Variants in VPS13B observed in about 807,000 individuals in gnomAD.
The protein encoded by VPS13B is vacuolar protein sorting 13 homolog B, also known as intermembrane lipid transfer protein VPS13B.
A neutral mutation model predicts 426.4 loss-of-function variants in VPS13B; 285 were observed. The ratio of observed to expected loss-of-function variants is 0.67; its 90% CI spans 0.61 to 0.74. The LOEUF (loss-of-function observed/expected upper bound fraction) is 0.74. Ranked by LOEUF, VPS13B falls within the 30% of genes least tolerant of loss-of-function variation. The pLI, the probability that VPS13B is intolerant of heterozygous loss-of-function variation, is 0.00. For synonymous variants in VPS13B, 1,676 were observed against 1,676.4 expected (o/e 1.00, Z 0.01); for missense variants, 4,537 against 4,782.6 (o/e 0.95, Z 1.51).
intron 39 of VPS13B, among the ~76,000 whole-genome samples, chr8:99,722,445 T>C (rs1220214744): frequency 1.3e-5 from 2 of 152,156 alleles, no homozygotes; most frequent in Admixed American, 1.3e-4. Context: ...TCTTAACAAA[T>C]TAGTTTTATA....
intron 17 of VPS13B, among the ~76,000 whole-genome samples, chr8:99,196,749 C>T (rs970250037): frequency 6.6e-6 from 1 of 152,024 alleles, no homozygotes; most frequent in African/African-American, 2.4e-5. Context: ...GGGATTTTTA[C>T]GTATAAGATC....
intron 43 of VPS13B, among the ~76,000 whole-genome samples, chr8:99,794,488 TAA>T (rs1237680616): frequency 3.3e-5 from 5 of 152,214 alleles, no homozygotes; most frequent in African/African-American, 1.2e-4. Flanking sequence ...GGAAGTTTCT[TAA>T]TTAGTACTCA....
At chr8:99,240,536 G>A (rs1288562118) in intron 17 of VPS13B, among the ~76,000 whole-genome samples, 1 of 152,110 alleles carries the variant, frequency 6.6e-6, no homozygotes, top group Non-Finnish European at 1.5e-5. Context: ...CATAGAACTG[G>A]TAAATATTTT....
At chr8:99,740,766 C>G (rs1809672421) in intron 39 of VPS13B, among the ~76,000 whole-genome samples, 1 of 152,110 alleles carries the variant, frequency 6.6e-6, no homozygotes, top group Admixed American at 6.5e-5. Flanking sequence ...TACAGACAAG[C>G]AAATGCTGAG....
At chr8:99,042,642 C>T (rs1480403450) in intron 3 of VPS13B, among the ~76,000 whole-genome samples, 1 of 152,060 alleles carries the variant, frequency 6.6e-6, no homozygotes, top group African/African-American at 2.4e-5. Context: ...ACCAGTAAGC[C>T]ACTTTTTGTT....
At chr8:99,401,849 A>G (rs563234225) in intron 21 of VPS13B, among the ~76,000 whole-genome samples, 1 of 152,286 alleles carries the variant, frequency 6.6e-6, no homozygotes, top group South Asian at 2.1e-4. Flanking sequence ...TGGGCTACAG[A>G]GCGAGACTCC....
At chr8:99,868,794 G>A (rs533691119) in intron 59 of VPS13B, among the ~76,000 whole-genome samples, 1 of 152,346 alleles carries the variant, frequency 6.6e-6, no homozygotes, top group South Asian at 2.1e-4. Context: ...TATGATAAAT[G>A]TGGAAGGAGA....
chr8:99,167,855 A>G (rs1812100486), intron 15 of VPS13B, among the ~76,000 whole-genome samples: 1 of 152,100 alleles, frequency 6.6e-6, no homozygotes, highest in Non-Finnish European at 1.5e-5. Flanking sequence ...ATACATTTTT[A>G]TTGCTCCAGA....
intron 24 of VPS13B, among the ~76,000 whole-genome samples, chr8:99,478,357 C>T (rs1048261125): frequency 6.8e-6 from 1 of 147,334 alleles, no homozygotes; most frequent in Non-Finnish European, 1.5e-5. Flanking sequence ...TTAGACAAAA[C>T]TGGATTTGTA....
In VPS13B at chr8:99,778,999, T is replaced by G; in HGVS notation, c.7747T>G (p.Ser2583Ala). Residue 2583 changes from serine to alanine, a missense_variant, in exon 42 of 62, where the codon TCA becomes GCA. Transcript: ENST00000357162. ...FVNLGQHVVH[S>A]LNTAIQAWQQ... ...AAACCTTGGACAGCATGTAGTCCAT[T>G]CACTAAACACTGCAATACAAGCTTG... The G allele has an allele frequency of 6.2e-7, 1 of 1,613,754 alleles. No homozygotes were observed. The highest frequency in any genetic ancestry group is 8.5e-7 in the Non-Finnish European group (1 of 1,179,826).
chr8:99,658,315 C>G (rs193231231), intron 34 of VPS13B, among the ~76,000 whole-genome samples: 58 of 152,194 alleles, frequency 3.8e-4, no homozygotes, highest in Admixed American at 3.7e-3. Flanking sequence ...CACTAATACT[C>G]AGAATATATA....
chr8:99,293,778 T>C (rs1337002231), intron 19 of VPS13B, among the ~76,000 whole-genome samples: 6 of 151,894 alleles, frequency 4.0e-5, no homozygotes, highest in South Asian at 4.2e-4. Context: ...AGCCAAAAAA[T>C]ACATGAAAAA....
intron 43 of VPS13B, among the ~76,000 whole-genome samples, chr8:99,788,027 C>T (rs978328260): frequency 3.5e-4 from 53 of 151,780 alleles, no homozygotes; most frequent in Non-Finnish European, 1.5e-4. Context: ...ATGAATATAA[C>T]GGAAGTTTCA....
chr8:99,778,582 A>G (rs796550356), intron 41 of VPS13B, 100 bp from the exon 42 acceptor site: 17 of 1,073,684 alleles, frequency 1.6e-5, no homozygotes, highest in Admixed American at 3.6e-5. Flanking sequence ...ACTAATTTCA[A>G]TAATCAAAAA....
chr8:99,077,398 G>A (rs1234448836), intron 3 of VPS13B, among the ~76,000 whole-genome samples: 3 of 151,924 alleles, frequency 2.0e-5, no homozygotes, highest in South Asian at 4.2e-4. Flanking sequence ...TCGAACTCCC[G>A]ACTTCATGTG....
intron 2 of VPS13B, among the ~76,000 whole-genome samples, chr8:99,032,952 C>T (rs149694470): frequency 1.8e-3 from 274 of 152,276 alleles, no homozygotes; most frequent in African/African-American, 6.3e-3. Flanking sequence ...CATTTCTCTA[C>T]TATAGCTCCA....
rs953169134 is a variant in VPS13B at position 99,556,650 on chromosome 8, G to A, written c.4946G>A (p.Ser1649Asn). The A allele has an allele frequency of 3.1e-6, 5 of 1,612,568 alleles. No individual in the cohort carries two copies. The highest frequency in any genetic ancestry group is 2.7e-5 in the African/African-American group (2 of 74,856). The stretch of plus-strand genomic sequence containing the variant: ...CCAGCCCTTGAGTGGAATATGGCCA[G>A]CAGGTAGGAAATGATTGAGAAACTT... ...QNPALEWNMASSIRRHQERRA... is the reference protein window; with the variant it reads ...QNPALEWNMANSIRRHQERRA... Residue 1649 changes from serine to asparagine, a missense_variant, in exon 31 of 62, where the codon AGC becomes AAC. Ser to Asn is a conservative substitution (Grantham distance 46). Around this residue, in one of 2 missense-constraint regions of VPS13B, gnomAD observed 4,311 missense variants for 4,474.3 expected, o/e 0.96. Transcript: ENST00000357162.
chr8:99,640,423 G>A (rs1279742762), intron 33 of VPS13B, among the ~76,000 whole-genome samples: 1 of 151,850 alleles, frequency 6.6e-6, no homozygotes, highest in Non-Finnish European at 1.5e-5. Context: ...CACACCACCA[G>A]GCCTGGCTAA....
chr8:99,579,018 T>A (rs988529353), intron 33 of VPS13B, among the ~76,000 whole-genome samples: 1 of 152,212 alleles, frequency 6.6e-6, no homozygotes, highest in African/African-American at 2.4e-5. Flanking sequence ...AAGGTATCTG[T>A]GGCTATGTGT....
Sources: allele counts gnomAD v4.1 joint callset (sites outside exome capture counted in the v4.1 genomes callset), GRCh38; gene constraint gnomAD v4.1.1; regional missense constraint gnomAD v4.1.1; transcripts MANE v1.5; gene names NCBI Gene and HGNC (gene_info 2026-07-23, HGNC 2026-07-21).